Variants in ATF6 observed in about 807,000 individuals in gnomAD.
The protein encoded by ATF6 is cyclic AMP-dependent transcription factor ATF-6 alpha.
ATF6 carries 53 observed loss-of-function variants against 83.6 expected under a neutral mutation model. That is an observed-to-expected ratio of 0.63 (90% CI 0.51 to 0.80). The LOEUF is 0.80. ATF6 is among the 30% of genes least tolerant of loss of function. The pLI is 0.00. For synonymous variants in ATF6, 288 were observed against 285.8 expected (o/e 1.01, Z -0.08); for missense variants, 744 against 797.9 (o/e 0.93, Z 0.81).
intron 14 of ATF6, among the ~76,000 whole-genome samples, chr1:161,908,816 A>G (rs974966433): frequency 6.6e-6 from 1 of 152,182 alleles, no homozygotes; most frequent in Admixed American, 6.5e-5. Context: ...GTTATTTTAA[A>G]CAATTTAATT....
At chr1:161,791,062 A>ATG (rs72157843) in intron 4 of ATF6, among the ~76,000 whole-genome samples, 2,353 of 137,294 alleles carry the variant, frequency 0.017, 66 homozygotes, top group African/African-American at 0.07. Context: ...CAAGTTTTAT[A>ATG]TGTGTGTGTG....
chr1:161,816,518 C>T (rs1685617631), intron 7 of ATF6, among the ~76,000 whole-genome samples: 1 of 152,204 alleles, frequency 6.6e-6, no homozygotes, highest in Non-Finnish European at 1.5e-5. Context: ...GTAAGTATCA[C>T]TGGACTTGGA....
intron 7 of ATF6, among the ~76,000 whole-genome samples, chr1:161,806,779 A>T (rs1179135230): frequency 1.3e-5 from 2 of 152,110 alleles, no homozygotes; most frequent in Non-Finnish European, 2.9e-5. Flanking sequence ...GCTGGGGGGA[A>T]TCCTTTGCTA....
rs1371345295 is a variant in ATF6 at position 161,880,583 on chromosome 1, C to A, written c.1719+17271C>A. Among the ~76,000 whole-genome samples the A allele has an allele frequency of 3.3e-5, 5 of 152,042 alleles. No homozygotes were observed. The East Asian group carries it at 5.8e-4, about 18-fold the overall frequency. On this transcript the variant is annotated intron_variant, in intron 14 of 15. Coordinates refer to ENST00000367942, the MANE Select transcript of ATF6 (RefSeq NM_007348.4). Reference sequence around the variant, plus strand: ...CAGCAGAATTATTTTGAGATTAATCCATGGTGTTGCTTGTATCAGTAGTTC... The same window carrying A: ...CAGCAGAATTATTTTGAGATTAATCAATGGTGTTGCTTGTATCAGTAGTTC...
intron 9 of ATF6, among the ~76,000 whole-genome samples, chr1:161,831,574 A>G (rs1354878977): frequency 6.6e-6 from 1 of 152,224 alleles, no homozygotes; most frequent in Non-Finnish European, 1.5e-5. Flanking sequence ...GACTGGATTA[A>G]GAAAATGTGT....
intron 15 of ATF6, among the ~76,000 whole-genome samples, chr1:161,940,682 C>A (rs1688624367): frequency 6.6e-6 from 1 of 151,800 alleles, no homozygotes; most frequent in Non-Finnish European, 1.5e-5. Context: ...CCTCAGCCTC[C>A]TGAGTAGCTG....
chr1:161,933,946 T>C (rs140830858), intron 15 of ATF6, among the ~76,000 whole-genome samples: 1 of 152,264 alleles, frequency 6.6e-6, no homozygotes, highest in East Asian at 1.9e-4. Flanking sequence ...ATCACTACCA[T>C]AAAGAAGCAT....
rs539348342 is a variant in ATF6 at position 161,958,716 on chromosome 1, C to G, written c.*62C>G. On this transcript the variant is annotated 3_prime_UTR_variant, in exon 16 of 16. Coordinates refer to ENST00000367942, the MANE Select transcript of ATF6 (RefSeq NM_007348.4). ...CCTGCCAGACTGAAGAGCAGGTGAG[C>G]AAAATGCTGCTTTCTGCCTTGGTGG... 1 of 1,376,940 alleles carries G rather than the reference C, an allele frequency of 7.3e-7. No individual in the cohort carries two copies. Among genetic ancestry groups the G allele is most frequent in the East Asian group, 2.4e-5 (1 of 41,948 alleles). 85.3% of individuals were successfully genotyped at this position (1,376,940 alleles called of 1,614,324 possible). A position where few individuals can be genotyped will look rare whatever the true frequency, so the allele number is the denominator to read the frequency against.
chr1:161,956,947 T>C (rs1381226983), intron 15 of ATF6, among the ~76,000 whole-genome samples: 2 of 152,122 alleles, frequency 1.3e-5, no homozygotes, highest in African/African-American at 4.8e-5. Context: ...CACAAAACTT[T>C]GCGTATGATT....
intron 14 of ATF6, among the ~76,000 whole-genome samples, chr1:161,880,272 T>A (rs1687294066): frequency 6.6e-6 from 1 of 152,118 alleles, no homozygotes; most frequent in Non-Finnish European, 1.5e-5. Flanking sequence ...TATTGAGGTA[T>A]AATTGACATA....
chr1:161,957,337 A>G (rs1688988641), intron 15 of ATF6, among the ~76,000 whole-genome samples: 1 of 152,158 alleles, frequency 6.6e-6, no homozygotes, highest in African/African-American at 2.4e-5. Context: ...CCCCAGCCCC[A>G]CACCCCGCTC....
intron 9 of ATF6, among the ~76,000 whole-genome samples, chr1:161,844,073 A>G (rs559507176): frequency 6.6e-6 from 1 of 152,352 alleles, no homozygotes; most frequent in East Asian, 1.9e-4. Flanking sequence ...ATAGAGTGTA[A>G]TATAACTGCC....
intron 15 of ATF6, among the ~76,000 whole-genome samples, chr1:161,939,581 C>A (rs1306227939): frequency 6.6e-6 from 1 of 152,202 alleles, no homozygotes; most frequent in Non-Finnish European, 1.5e-5. Flanking sequence ...GATAGGATAG[C>A]TTGTTAGTAC....
At chr1:161,771,102 T>G (rs556924285) in intron 1 of ATF6, among the ~76,000 whole-genome samples, 4 of 152,340 alleles carry the variant, frequency 2.6e-5, no homozygotes, top group Middle Eastern at 3.4e-3. Flanking sequence ...TTTCATATGC[T>G]TATTTGCCGT....
intron 14 of ATF6, chr1:161,892,228 T>C (rs909022688): frequency 2.0e-5 from 3 of 152,222 alleles, no homozygotes; most frequent in African/African-American, 7.2e-5. Context: ...AGCTTTAATT[T>C]TCGGATGTGG....
intron 13 of ATF6, among the ~76,000 whole-genome samples, chr1:161,861,162 C>T (rs933132831): frequency 3.3e-5 from 5 of 152,124 alleles, no homozygotes; most frequent in African/African-American, 1.2e-4. Flanking sequence ...TCATTGACAA[C>T]AGTATCACTG....
chr1:161,860,831 A>C (rs1279012404), intron 13 of ATF6, among the ~76,000 whole-genome samples: 1 of 152,158 alleles, frequency 6.6e-6, no homozygotes, highest in Non-Finnish European at 1.5e-5. Context: ...TCACTACACA[A>C]TAATACTTAA....
At chr1:161,946,413 A>G (rs1221141438) in intron 15 of ATF6, among the ~76,000 whole-genome samples, 2 of 152,236 alleles carry the variant, frequency 1.3e-5, no homozygotes, top group African/African-American at 2.4e-5. Flanking sequence ...CAGAAAGACT[A>G]TGTTTTTGCT....
intron 6 of ATF6, among the ~76,000 whole-genome samples, chr1:161,799,921 G>C (rs963921738): frequency 1.3e-5 from 2 of 152,056 alleles, no homozygotes; most frequent in African/African-American, 4.8e-5. Flanking sequence ...GGGTCAACCT[G>C]TCTGAAAGCA....
Sources: allele counts gnomAD v4.1 joint callset (sites outside exome capture counted in the v4.1 genomes callset), GRCh38; gene constraint gnomAD v4.1.1; transcripts MANE v1.5; gene names NCBI Gene and HGNC (gene_info 2026-07-23, HGNC 2026-07-21).